Variants in CRK observed in about 807,000 individuals in gnomAD.
The protein encoded by CRK is adapter molecule crk.
In CRK, 4 loss-of-function variants were observed where a neutral mutation model predicts 29.8. The observed-to-expected ratio is 0.13, with a 90% CI of 0.07 to 0.31. The LOEUF (loss-of-function observed/expected upper bound fraction) is 0.31, where lower values mean the gene tolerates loss of function less well. Among genes scored for constraint, CRK ranks in the 10% least tolerant of loss-of-function variants. CRK has a pLI of 1.00. For synonymous variants in CRK, 153 were observed against 164.9 expected, an observed-to-expected ratio of 0.93 and a Z score of 0.55; for missense variants, 274 against 396.5, an observed-to-expected ratio of 0.69 and a Z score of 2.62.
At position 1,434,165 on chromosome 17, in the gene CRK, G is replaced by A. The variant is rs572628387; in HGVS notation, c.777+2455C>T. The stretch of plus-strand genomic sequence containing the variant: ...TGCAGACCCCTGATCTAAGTAACAG[G>A]TAGTGTATCTAGGGCCCATCGACAG... On this transcript the variant is annotated intron_variant, in intron 2 of 2. Coordinates refer to ENST00000300574, the MANE Select transcript of CRK (RefSeq NM_016823.4). Among the ~76,000 whole-genome samples, 6 of 152,218 alleles carry A rather than the reference G, an allele frequency of 3.9e-5. No individual in the cohort carries two copies. In the South Asian group the frequency reaches 1.0e-3, roughly 26 times the overall value.
intron 1 of CRK, 149 bp downstream of exon 1, chr17:1,455,728 C>T: frequency 8.3e-7 from 1 of 1,203,026 alleles, no homozygotes; most frequent in Non-Finnish European, 1.1e-6. Flanking sequence ...CGGGTGAGAG[C>T]GAGCCCGAGC....
rs576522177 is a variant in CRK, at chr17:1,442,449, T to C, written c.242-5294A>G. On this transcript the variant is annotated intron_variant, in intron 1 of 2. Coordinates refer to ENST00000300574, the MANE Select transcript of CRK (RefSeq NM_016823.4). ...TTGCAGATGTGCACCACTGCAGTAC[T>C]GAGATTGCAGATGTGAGCCAGTGCC... Among the ~76,000 whole-genome samples the C allele has an allele frequency of 2.1e-3, 320 of 152,032 alleles. 3 individuals carry two copies. The highest frequency in any genetic ancestry group is 7.2e-3 in the African/African-American group (297 of 41,500).
intron 1 of CRK, among the ~76,000 whole-genome samples, chr17:1,453,590 G>A (rs953311076): frequency 6.6e-6 from 1 of 152,170 alleles, no homozygotes; most frequent in African/African-American, 2.4e-5. Flanking sequence ...TGAGCTTATA[G>A]ACCCCATACT....
At chr17:1,445,802 T>C (rs1000253683) in intron 1 of CRK, among the ~76,000 whole-genome samples, 5 of 152,150 alleles carry the variant, frequency 3.3e-5, no homozygotes, top group African/African-American at 1.2e-4. Flanking sequence ...GGCTTAGAAA[T>C]GGTTCTGATC....
intron 2 of CRK, among the ~76,000 whole-genome samples, chr17:1,431,400 A>G (rs1453067263): frequency 6.6e-6 from 1 of 152,124 alleles, no homozygotes; most frequent in African/African-American, 2.4e-5. Flanking sequence ...TCACTAAAGC[A>G]TAATTCCCAA....
chr17:1,426,894 T>C (rs919366448), intron 2 of CRK, among the ~76,000 whole-genome samples: 6 of 151,202 alleles, frequency 4.0e-5, no homozygotes, highest in South Asian at 4.2e-4. Context: ...TAGCCAGGCA[T>C]AGTAGTGTGC....
Position 1,455,902 on chromosome 17 carries a change from T to G in CRK, c.216A>C (p.Pro72=). The change falls in exon 1 of 3, where the codon CCA becomes CCC. Residue 72 remains proline, a synonymous_variant. Coordinates refer to ENST00000300574, the MANE Select transcript of CRK (RefSeq NM_016823.4). ...CGGGCGGAGGCTGGGCGGGCGACGG[T>G]GGCACCGGCGGGCGCGGGCCGCTGC... The part of the protein sequence containing the change: ...INSSGPRPPV[P]PSPAQPPPGV... The G allele has an allele frequency of 6.3e-7, 1 of 1,590,090 alleles. No homozygotes were observed. The highest frequency in any genetic ancestry group is 8.5e-7 in the Non-Finnish European group (1 of 1,170,296).
At position 1,437,014 on chromosome 17, in the gene CRK, A is replaced by G. The variant is rs776671383; in HGVS notation, c.383T>C (p.Ile128Thr). The part of the protein sequence containing the change: ...VSRSRQGSGV[I>T]LRQEEAEYVR... ...ATACTCCGCCTCCTCCTGCCTGAGA[A>G]TCACTCCACTACCCTGCCTGGATCT... The change falls in exon 2 of 3, where the codon ATT becomes ACT. Residue 128 changes from isoleucine (I) to threonine (T), a missense_variant. Physicochemically the swap from Ile to Thr is moderately conservative, Grantham distance 89. Coordinates refer to ENST00000300574, the MANE Select transcript of CRK (RefSeq NM_016823.4). 1.2e-6 allele frequency: 2 copies of G among 1,614,004 alleles called. No homozygotes were observed. The highest frequency in any genetic ancestry group is 2.2e-5 in the South Asian group (2 of 91,088).
chr17:1,438,876 T>C (rs1395611423), intron 1 of CRK, among the ~76,000 whole-genome samples: 1 of 150,458 alleles, frequency 6.6e-6, no homozygotes, highest in African/African-American at 2.4e-5. Context: ...AGGGTTTTGC[T>C]GTGTCACGCA....
At position 1,422,701 on chromosome 17, in the gene CRK, G is replaced by A. The variant is rs1375380969; in HGVS notation, c.*812C>T. 1 of 366,426 alleles carries A rather than the reference G, an allele frequency of 2.7e-6. No homozygotes were observed. Among genetic ancestry groups the A allele is most frequent in the Non-Finnish European group, 4.9e-6 (1 of 205,780 alleles). 22.7% of individuals were successfully genotyped at this position (366,426 alleles called of 1,614,324 possible). A position where few individuals can be genotyped will look rare whatever the true frequency, so the allele number is the denominator to read the frequency against. ...CTGGATCCCATTAGTTAGGACTCTA[G>A]TTAGCTGCTGTAGAAGGGTGACCTA... On this transcript the variant is annotated 3_prime_UTR_variant, in exon 3 of 3. Coordinates refer to ENST00000300574, the MANE Select transcript of CRK (RefSeq NM_016823.4).
rs1568014798 is a variant in CRK at position 1,437,521 on chromosome 17, G to A, written c.242-366C>T. On this transcript the variant is annotated intron_variant, in intron 1 of 2. Coordinates refer to ENST00000300574, the MANE Select transcript of CRK (RefSeq NM_016823.4). ...CATCACTACAGCCCCAGGGAAGGAT[G>A]AGGAGGCCAGGAGACTAGGCTGATC... Among the ~76,000 whole-genome samples, 3 of 152,126 alleles carry A rather than the reference G, an allele frequency of 2.0e-5. No individual in the cohort carries two copies. In the South Asian group the frequency reaches 6.2e-4, roughly 31 times the overall value.
At chr17:1,454,506 A>T (rs571086707) in intron 1 of CRK, among the ~76,000 whole-genome samples, 10 of 152,126 alleles carry the variant, frequency 6.6e-5, no homozygotes, top group Non-Finnish European at 1.5e-4. Context: ...ACAGAGCAAG[A>T]CTCCGTCTTA....
At chr17:1,437,820 A>ATTTTTTTTTTT (rs34817166) in intron 1 of CRK, among the ~76,000 whole-genome samples, 2 of 136,736 alleles carry the variant, frequency 1.5e-5, no homozygotes, top group Non-Finnish European at 1.6e-5. Flanking sequence ...TGACAAGCTA[A>ATTTTTTTTTTT]TTTTTTTTTT....
rs138565629 is a variant in CRK, at chr17:1,451,465, C to T, written c.241+4412G>A. On this transcript the variant is annotated intron_variant, in intron 1 of 2. Transcript: ENST00000300574. ...CAGGCTGGTCTCGAACTCTTGACCT[C>T]AAGTGATCCACCCTCCTTGGCCTCT... Among the ~76,000 whole-genome samples the T allele has an allele frequency of 6.3e-3, 950 of 151,806 alleles. 10 individuals are homozygous for T. The highest frequency in any genetic ancestry group is 0.021 in the African/African-American group (875 of 41,490).
At chr17:1,449,021 G>A (rs1400678357) in intron 1 of CRK, among the ~76,000 whole-genome samples, 1 of 152,116 alleles carries the variant, frequency 6.6e-6, no homozygotes, top group Non-Finnish European at 1.5e-5. Context: ...AGGGCCATCA[G>A]CAGTCTCACG....
rs76225792 is a variant in CRK at position 1,423,736 on chromosome 17, C to A, written c.778-86G>T. 2.7e-3 allele frequency: 4,110 copies of A among 1,527,384 alleles called. 94 individuals are homozygous for A. The African/African-American group carries it at 0.048, about 18-fold the overall frequency. The allele number at this position is 1,527,384 out of a possible 1,614,324, so 94.6% of individuals were successfully genotyped here. ...CCATTCTCTGGTTAGGCACACCCTGCCCATGTGACTGCTCTAGGGATATTA... is the reference window on the plus strand; with the variant it reads ...CCATTCTCTGGTTAGGCACACCCTGACCATGTGACTGCTCTAGGGATATTA... On this transcript the variant is annotated intron_variant, in intron 2 of 2. Coordinates refer to ENST00000300574, the MANE Select transcript of CRK (RefSeq NM_016823.4).
chr17:1,441,428 A>G (rs1333850642), intron 1 of CRK, among the ~76,000 whole-genome samples: 1 of 152,136 alleles, frequency 6.6e-6, no homozygotes, highest in Non-Finnish European at 1.5e-5. Context: ...TCCTGGGCTC[A>G]AGATATTCTC....
At chr17:1,436,538 C>A in intron 2 of CRK, 82 bp downstream of exon 2, 1 of 1,426,552 alleles carries the variant, frequency 7.0e-7, no homozygotes, top group South Asian at 1.4e-5. Context: ...ATGCTGTAGT[C>A]AGCATTGCTA....
intron 2 of CRK, among the ~76,000 whole-genome samples, chr17:1,425,800 G>A (rs1166486407): frequency 2.0e-5 from 3 of 152,188 alleles, no homozygotes; most frequent in African/African-American, 7.2e-5. Context: ...AAAAATTACA[G>A]AGGCCTGAAG....
Sources: allele counts gnomAD v4.1 joint callset (sites outside exome capture counted in the v4.1 genomes callset), GRCh38; gene constraint gnomAD v4.1.1; transcripts MANE v1.5; gene names NCBI Gene and HGNC (gene_info 2026-07-23, HGNC 2026-07-21).